Variants in UNC50 observed in about 807,000 individuals in gnomAD.
UNC50 encodes unc-50 inner nuclear membrane RNA binding protein.
UNC50 carries 24 observed loss-of-function variants against 31.5 expected under a neutral mutation model. That is an observed-to-expected ratio of 0.76 (90% CI 0.55 to 1.07). UNC50 has a LOEUF of 1.07. Ranked by LOEUF, UNC50 falls within the 50% of genes least tolerant of loss-of-function variation. The pLI, the probability that UNC50 is intolerant of heterozygous loss-of-function variation, is 0.00. For missense variants in UNC50, 245 were observed against 304.2 expected, an observed-to-expected ratio of 0.81 and a Z score of 1.45; for synonymous variants, 118 against 114.7, an observed-to-expected ratio of 1.03 and a Z score of -0.18.
chr2:98,610,690 T>C, intron 2 of UNC50, 85 bp from the exon 3 acceptor site: 1 of 1,523,128 alleles, frequency 6.6e-7, no homozygotes, highest in South Asian at 1.3e-5. Context: ...CCCACTAGCC[T>C]GGGCATCTGG....
rs778994261 is a variant in UNC50, at chr2:98,609,819, G to A, written c.60G>A (p.Arg20=). Residue 20 remains arginine (R), a synonymous_variant, in exon 2 of 6, where the codon AGG becomes AGA. Transcript: ENST00000357765. ...AGGGGAACGGAGTCTTGAATTCCAG[G>A]GATGCGGCAAGACACACAGCCGGAG... ...LVQGNGVLNS[R]DAARHTAGAK... 1.2e-6 allele frequency: 2 copies of A among 1,614,048 alleles called. No homozygotes were observed. The highest frequency in any genetic ancestry group is 1.7e-6 in the Non-Finnish European group (2 of 1,180,034).
chr2:98,609,921 C>A lies in UNC50; in HGVS notation c.162C>A (p.Leu54=). The change falls in exon 2 of 6, where the codon CTC becomes CTA. Residue 54 remains leucine, a synonymous_variant. Transcript: ENST00000357765. The part of the protein sequence containing the change: ...MDFEFAAWQM[L]YLFTSPQRVY... ...TTGAATTTGCTGCCTGGCAGATGCT[C>A]TACCTGTTCACATCCCCACAGAGAG... 2 of 1,614,194 alleles carry A rather than the reference C, an allele frequency of 1.2e-6. No homozygotes were observed. The highest frequency in any genetic ancestry group is 1.7e-6 in the Non-Finnish European group (2 of 1,180,036).
chr2:98,609,229 A>G (rs987510266), intron 1 of UNC50: 3 of 158,806 alleles, frequency 1.9e-5, no homozygotes, highest in Non-Finnish European at 4.2e-5. Flanking sequence ...TCCGGATGTA[A>G]AACACTAGGG....
intron 3 of UNC50, among the ~76,000 whole-genome samples, chr2:98,614,916 T>C (rs1156746198): frequency 3.9e-5 from 6 of 152,228 alleles, no homozygotes; most frequent in African/African-American, 7.2e-5. Context: ...GTATTCTTAA[T>C]TGTACCCTTG....
intron 3 of UNC50, among the ~76,000 whole-genome samples, chr2:98,613,602 T>C (rs552561532): frequency 7.9e-5 from 12 of 152,070 alleles, no homozygotes; most frequent in Non-Finnish European, 1.6e-4. Flanking sequence ...GAGAACAGCA[T>C]GGGGGAAATT....
At chr2:98,614,177 G>A (rs531678679) in intron 3 of UNC50, among the ~76,000 whole-genome samples, 1 of 152,356 alleles carries the variant, frequency 6.6e-6, no homozygotes, top group African/African-American at 2.4e-5. Flanking sequence ...CAGTGGAGGA[G>A]GCAAAAGTTG....
chr2:98,614,707 C>T (rs1392148055), intron 3 of UNC50, among the ~76,000 whole-genome samples: 1 of 152,178 alleles, frequency 6.6e-6, no homozygotes, highest in South Asian at 2.1e-4. Flanking sequence ...ACAGAAAGGG[C>T]GCTCTTGGGG....
chr2:98,617,272 A>G (rs1700941254), intron 5 of UNC50, among the ~76,000 whole-genome samples: 1 of 152,176 alleles, frequency 6.6e-6, no homozygotes, highest in Admixed American at 6.5e-5. Flanking sequence ...CTAACTGTAA[A>G]TACAGATGGC....
chr2:98,609,840 C>G lies in UNC50; in HGVS notation c.81C>G (p.Ala27=), dbSNP rs770378731. 2.5e-6 allele frequency: 4 copies of G among 1,614,170 alleles called. No homozygotes were observed. Among genetic ancestry groups the G allele is most frequent in the Non-Finnish European group, 3.4e-6 (4 of 1,180,032 alleles). ...CCAGGGATGCGGCAAGACACACAGC[C>G]GGAGCGAAACGCTACAAATATCTGA... ...LNSRDAARHT[A]GAKRYKYLRR... The change falls in exon 2 of 6, where the codon GCC becomes GCG. Residue 27 remains alanine (A), a synonymous_variant. Coordinates refer to ENST00000357765, the MANE Select transcript of UNC50 (RefSeq NM_014044.7).
intron 3 of UNC50, among the ~76,000 whole-genome samples, chr2:98,611,180 C>T (rs563133510): frequency 1.3e-5 from 2 of 152,274 alleles, no homozygotes; most frequent in East Asian, 3.9e-4. Flanking sequence ...GTTTAGTTTG[C>T]CAAAGTTAAG....
intron 1 of UNC50, 44 bp downstream of exon 1, chr2:98,608,770 C>A (rs1319732092): frequency 3.2e-6 from 1 of 308,572 alleles, no homozygotes; most frequent in Non-Finnish European, 6.1e-6. Context: ...CCCGGGCTCG[C>A]GCCGGGGGCC....
intron 1 of UNC50, chr2:98,609,541 T>C: frequency 1.5e-6 from 1 of 656,584 alleles, no homozygotes; most frequent in South Asian, 1.8e-5. Flanking sequence ...TTCAGAAGGG[T>C]GGGCTGTTGC....
rs543413754 is a variant in UNC50, at chr2:98,618,273, T to A, written c.749T>A (p.Leu250His). The change falls in exon 6 of 6, where the codon CTC (leucine) becomes CAC (histidine). Residue 250 changes from leucine (L) to histidine (H), a missense_variant. Leu to His is a moderately conservative substitution (Grantham distance 99, BLOSUM62 -3). Transcript: ENST00000357765. ...LALGWNFTHT[L>H]CSFYKYRVK Reference sequence around the variant, plus strand: ...CTGGGATGGAACTTCACCCATACTCTCTGTTCTTTCTATAAGTACAGAGTG... The same window carrying A: ...CTGGGATGGAACTTCACCCATACTCACTGTTCTTTCTATAAGTACAGAGTG... The A allele has an allele frequency of 5.6e-6, 9 of 1,607,454 alleles. No individual in the cohort carries two copies. Among genetic ancestry groups the A allele is most frequent in the Non-Finnish European group, 6.8e-6 (8 of 1,178,180 alleles).
Position 98,609,768 on chromosome 2 carries a change from G to C in UNC50, c.9G>C (p.Pro3=). Reference sequence around the variant, plus strand: ...TTCTTCCATCTAGGAAGATGTTACCGAGTACTTCAGTGAATTCCTTAGTGC... The same window carrying C: ...TTCTTCCATCTAGGAAGATGTTACCCAGTACTTCAGTGAATTCCTTAGTGC... The part of the protein sequence containing the change: ML[P]STSVNSLVQG... The change falls in exon 2 of 6, where the codon CCG becomes CCC. Residue 3 remains proline, a synonymous_variant. Transcript: ENST00000357765. 6.2e-7 allele frequency: 1 copy of C among 1,614,232 alleles called. No homozygotes were observed. Among genetic ancestry groups the C allele is most frequent in the African/African-American group, 1.3e-5 (1 of 75,070 alleles).
In UNC50 at chr2:98,616,078, G is replaced by A. The variant is rs186737517; in HGVS notation, c.402-129G>A. 4,050 of 812,172 alleles carry A rather than the reference G, an allele frequency of 5.0e-3. 14 individuals are homozygous for A. The highest frequency in any genetic ancestry group is 6.3e-3 in the Admixed American group (212 of 33,636). The allele number at this position is 812,172 out of a possible 1,614,324, so 50.3% of individuals were successfully genotyped here. A position where few individuals can be genotyped will look rare whatever the true frequency, so the allele number is the denominator to read the frequency against. On this transcript the variant is annotated intron_variant, in intron 3 of 5. Transcript: ENST00000357765. ...GTCAGCCTTCCTTCCTAGATGGAAGGCAGGGATTTTTGTCTGTTTTGTTTA... is the reference window on the plus strand; with the variant it reads ...GTCAGCCTTCCTTCCTAGATGGAAGACAGGGATTTTTGTCTGTTTTGTTTA...
chr2:98,610,636 T>G, intron 2 of UNC50, 139 bp from the exon 3 acceptor site: 1 of 1,083,926 alleles, frequency 9.2e-7, no homozygotes, highest in Admixed American at 2.6e-5. Flanking sequence ...TGTCCCAAGG[T>G]AGTGTTCACA....
At chr2:98,611,134 A>G (rs897569512) in intron 3 of UNC50, among the ~76,000 whole-genome samples, 1 of 152,254 alleles carries the variant, frequency 6.6e-6, no homozygotes, top group Non-Finnish European at 1.5e-5. Flanking sequence ...TTATGTTTTG[A>G]ACCCAAAATA....
At chr2:98,613,429 T>A (rs1700869294) in intron 3 of UNC50, among the ~76,000 whole-genome samples, 2 of 152,178 alleles carry the variant, frequency 1.3e-5, no homozygotes, top group Non-Finnish European at 2.9e-5. Context: ...TGACTCACAG[T>A]TCTGCATTGC....
chr2:98,618,232 C>A lies in UNC50; in HGVS notation c.708C>A (p.Tyr236Ter). 1 of 1,612,014 alleles carries A rather than the reference C, an allele frequency of 6.2e-7. No individual in the cohort carries two copies. Among genetic ancestry groups the A allele is most frequent in the Non-Finnish European group, 8.5e-7 (1 of 1,179,208 alleles). Residue 236 changes from tyrosine to a stop codon, truncating the protein, a stop_gained, in exon 6 of 6, where the codon TAC (tyrosine) becomes TAA (stop). Transcript: ENST00000357765. LOFTEE classifies it high-confidence loss of function. The stretch of plus-strand genomic sequence containing the variant: ...CATTTGCACCTCTGATTCTGCTCTA[C>A]GGGCTTTCCCTGGCACTGGGATGGA... ...LYPFAPLILLYGLSLALGWNF... is the reference protein window; with the variant it reads ...LYPFAPLILL
Sources: gnomAD v4.1 joint callset for allele counts (sites outside exome capture counted in the v4.1 genomes callset) on GRCh38, gnomAD v4.1.1 for gene constraint, MANE v1.5 for transcripts, NCBI Gene and HGNC (gene_info 2026-07-23, HGNC 2026-07-21) for gene names.